Variants in NRDE2 observed in about 807,000 individuals in gnomAD.
The protein encoded by NRDE2 is nuclear exosome regulator NRDE2.
A neutral mutation model predicts 124.2 loss-of-function variants in NRDE2; 76 were observed. The ratio of observed to expected loss-of-function variants is 0.61; its 90% confidence interval spans 0.51 to 0.74. NRDE2 has a LOEUF of 0.74. NRDE2 is among the 30% of genes least tolerant of loss of function. The pLI, the probability that NRDE2 is intolerant of heterozygous loss-of-function variation, is 0.00. For synonymous variants in NRDE2, 489 were observed against 528.1 expected (o/e 0.93, Z 1.01); for missense variants, 1,314 against 1,417.3 (o/e 0.93, Z 1.17).
At chr14:90,329,492 C>G in intron 1 of NRDE2, among the ~76,000 whole-genome samples, 1 of 151,718 alleles carries the variant, frequency 6.6e-6, no homozygotes, top group East Asian at 1.9e-4. Context: ...TTGAGCCCAG[C>G]AGTCTGAGAT....
At chr14:90,280,113 GTTTGGTTTT>G (rs1891912285) in intron 12 of NRDE2, 1 of 152,076 alleles carries the variant, frequency 6.6e-6, no homozygotes, top group Non-Finnish European at 1.5e-5. Context: ...TTTGTTTTTT[GTTTGGTTTT>G]TTTGGTTTTT....
At chr14:90,328,846 G>A (rs575029389) in intron 1 of NRDE2, among the ~76,000 whole-genome samples, 4 of 152,170 alleles carry the variant, frequency 2.6e-5, no homozygotes, top group Non-Finnish European at 5.9e-5. Flanking sequence ...TGAAGGAGAG[G>A]AAGAAACCGA....
At chr14:90,318,455 G>C (rs1235556688) in intron 1 of NRDE2, among the ~76,000 whole-genome samples, 1 of 152,130 alleles carries the variant, frequency 6.6e-6, no homozygotes, top group Admixed American at 6.5e-5. Flanking sequence ...TGCTTCCAAA[G>C]CATTAGGTTT....
In NRDE2 at chr14:90,318,033, G is replaced by A. The variant is rs1487809023; in HGVS notation, c.145C>T (p.His49Tyr). ...GTCAGCGGTAACCCTTCAGAAACAT[G>A]GGCTGGAGCTGCTTCAGTTTGTTGG... ...LSQQTEAAPA[H>Y]VSEGLPLTRS... The change falls in exon 2 of 14, where the codon CAT becomes TAT. Residue 49 changes from histidine (H) to tyrosine (Y), a missense_variant. Physicochemically the swap from His to Tyr is moderately conservative, Grantham distance 83. Coordinates refer to ENST00000354366, the MANE Select transcript of NRDE2 (RefSeq NM_017970.4). The A allele has an allele frequency of 6.2e-7, 1 of 1,613,844 alleles. No homozygotes were observed. Among genetic ancestry groups the A allele is most frequent in the East Asian group, 2.2e-5 (1 of 44,878 alleles).
intron 12 of NRDE2, chr14:90,280,955 C>G (rs1891936240): frequency 6.6e-6 from 1 of 152,272 alleles, no homozygotes; most frequent in Non-Finnish European, 1.5e-5. Flanking sequence ...TGCTGGGAAC[C>G]TAAGAAAACA....
intron 4 of NRDE2, among the ~76,000 whole-genome samples, chr14:90,308,928 C>T (rs113639105): frequency 0.025 from 3,751 of 152,126 alleles, 82 homozygotes; most frequent in Non-Finnish European, 0.034. Flanking sequence ...AGGAGAGTTG[C>T]TGCAGTATGA....
rs765181892 is a variant in NRDE2, at chr14:90,279,102, C to T, written c.3329G>A (p.Gly1110Asp). The T allele has an allele frequency of 5.0e-6, 8 of 1,612,638 alleles. No individual in the cohort carries two copies. The East Asian group carries it at 1.1e-4, about 22-fold the overall frequency. The change falls in exon 13 of 14, where the codon GGT becomes GAT. Residue 1110 changes from glycine (G) to aspartate (D), a missense_variant. Transcript: ENST00000354366. The part of the protein sequence containing the change: ...VSLGNKERSK[G>D]VFYKALQNCP... ...ATTCTGAAGTGCTTTGTAGAATACACCTTTGCTTCTTTCTTTATTTCCTAA... is the reference window on the plus strand; with the variant it reads ...ATTCTGAAGTGCTTTGTAGAATACATCTTTGCTTCTTTCTTTATTTCCTAA...
chr14:90,326,117 A>G (rs1716773203), intron 1 of NRDE2, among the ~76,000 whole-genome samples: 1 of 152,232 alleles, frequency 6.6e-6, no homozygotes, highest in Non-Finnish European at 1.5e-5. Context: ...TCTGTGCACT[A>G]GTAAAAAGAA....
chr14:90,278,557 C>T, intron 13 of NRDE2, 96 bp from the exon 14 acceptor site: 1 of 1,511,548 alleles, frequency 6.6e-7, no homozygotes, highest in Non-Finnish European at 9.0e-7. Context: ...GGTGACCCTG[C>T]CCTCCTGTCG....
intron 7 of NRDE2, among the ~76,000 whole-genome samples, chr14:90,298,645 C>A (rs1044047930): frequency 5.3e-5 from 8 of 152,104 alleles, no homozygotes; most frequent in Non-Finnish European, 1.2e-4. Flanking sequence ...CTAGTGATTC[C>A]AACACACAAA....
chr14:90,299,429 T>C (rs1884307492), intron 7 of NRDE2, among the ~76,000 whole-genome samples: 1 of 151,936 alleles, frequency 6.6e-6, no homozygotes, highest in South Asian at 2.1e-4. Flanking sequence ...AGCAGCTCAC[T>C]GGCAATAAAT....
In NRDE2 at chr14:90,286,501, CA is replaced by C. The variant is rs113463686; in HGVS notation, c.3159-10del. On this transcript the variant is annotated splice_polypyrimidine_tract_variant and intron_variant, in intron 11 of 13. Coordinates refer to ENST00000354366, the MANE Select transcript of NRDE2 (RefSeq NM_017970.4). ...TCTCTCTACCGTCTAACCTGCAAGG[CA>C]AAGGCTCACGTGACTCTGACACAAG... 0.11 allele frequency: 175,984 copies of C among 1,610,888 alleles called. 10,672 individuals carry two copies. Among genetic ancestry groups the C allele is most frequent in the African/African-American group, 0.2 (15,199 of 74,842 alleles).
chr14:90,269,278 T>C lies in NRDE2; in HGVS notation c.*9058A>G, dbSNP rs1595045610. On this transcript the variant is annotated 3_prime_UTR_variant, in exon 14 of 14. Transcript: ENST00000354366. ...TCCGAGCATAATTGAGGGAGTGCCA[T>C]GTGAGTTGAAACAGGAATGTTTGTT... is the stretch of plus-strand genomic sequence containing the variant. The C allele has an allele frequency of 1.2e-6, 1 of 839,776 alleles. No homozygotes were observed. The highest frequency in any genetic ancestry group is 2.7e-5 in the Admixed American group (1 of 37,266). 52.0% of individuals were successfully genotyped at this position (839,776 alleles called of 1,614,324 possible).
intron 5 of NRDE2, among the ~76,000 whole-genome samples, chr14:90,303,328 A>G (rs999274083): frequency 2.6e-5 from 4 of 152,022 alleles, no homozygotes; most frequent in African/African-American, 9.7e-5. Flanking sequence ...TTAATTATCC[A>G]CTCTCTGCCA....
rs1033231159 is a variant in NRDE2 at position 90,316,561 on chromosome 14, T to C, written c.407+17A>G. The C allele has an allele frequency of 5.1e-6, 8 of 1,564,762 alleles. No individual in the cohort carries two copies. The highest frequency in any genetic ancestry group is 7.0e-6 in the Non-Finnish European group (8 of 1,144,084). On this transcript the variant is annotated intron_variant, in intron 3 of 13. Transcript: ENST00000354366. The stretch of plus-strand genomic sequence containing the variant: ...CAAGACTTAAAATATCATAGGTGCT[T>C]GAGAACAGCAACCTACTTCGGTTCC...
In NRDE2 at chr14:90,272,659, C is replaced by G. The variant is rs1423996272; in HGVS notation, c.*5677G>C. The G allele has an allele frequency of 2.1e-5, 7 of 327,510 alleles. No individual in the cohort carries two copies. The highest frequency in any genetic ancestry group is 4.1e-5 in the Non-Finnish European group (7 of 169,414). The allele number at this position is 327,510 out of a possible 1,614,324, so 20.3% of individuals were successfully genotyped here. A position where few individuals can be genotyped will look rare whatever the true frequency, so the allele number is the denominator to read the frequency against. On this transcript the variant is annotated 3_prime_UTR_variant, in exon 14 of 14. Coordinates refer to ENST00000354366, the MANE Select transcript of NRDE2 (RefSeq NM_017970.4). The surrounding 1 kb of genome is among the most constrained non-coding windows in gnomAD (Gnocchi z 4.5). ...TTCTGCAGTCTCCACACACACCTAC[C>G]GCTCAACAGCAGCCTGTGGGTGGAC... is the stretch of plus-strand genomic sequence containing the variant.
chr14:90,278,931 T>C, intron 13 of NRDE2, 131 bp downstream of exon 13: 1 of 709,846 alleles, frequency 1.4e-6, no homozygotes, highest in South Asian at 1.7e-5. Context: ...GGATGTACCT[T>C]GGGACAGGGT....
rs753484323 is a variant in NRDE2, at chr14:90,302,780, C to G, written c.1351G>C (p.Val451Leu). Residue 451 changes from valine to leucine, a missense_variant, in exon 6 of 14, where the codon GTT (valine) becomes CTT (leucine). Transcript: ENST00000354366. ...YGKCLSTLSA[V>L]KDGSILSHPA... Reference sequence around the variant, plus strand: ...TGAGATAAGATGCTGCCGTCCTTAACAGCAGACAAAGTGCTCAAGCATTTT... The same window carrying G: ...TGAGATAAGATGCTGCCGTCCTTAAGAGCAGACAAAGTGCTCAAGCATTTT... 16 of 1,613,998 alleles carry G rather than the reference C, an allele frequency of 9.9e-6. No individual in the cohort carries two copies. The East Asian group carries it at 2.7e-4, about 27-fold the overall frequency.
chr14:90,295,507 TA>T (rs1480433945), intron 8 of NRDE2, among the ~76,000 whole-genome samples: 4 of 152,172 alleles, frequency 2.6e-5, no homozygotes, highest in Non-Finnish European at 5.9e-5. Context: ...AAAACTCTTA[TA>T]AGAGAAATTA....
Sources: allele counts gnomAD v4.1 joint callset (sites outside exome capture counted in the v4.1 genomes callset), GRCh38; gene constraint gnomAD v4.1.1; non-coding constraint Gnocchi (gnomAD v3.1); transcripts MANE v1.5; gene names NCBI Gene and HGNC (gene_info 2026-07-23, HGNC 2026-07-21).